BLNK: variants seen among roughly 807,000 people sequenced by gnomAD.
BLNK encodes the protein B-cell linker protein.
A neutral mutation model predicts 73.5 loss-of-function variants in BLNK; 29 were observed. The observed-to-expected ratio is 0.39, with a 90% confidence interval of 0.29 to 0.54. The LOEUF (loss-of-function observed/expected upper bound fraction) is 0.54, where lower values mean the gene tolerates loss of function less well. Ranked by LOEUF, BLNK falls within the 20% of genes least tolerant of loss-of-function variation. BLNK has a pLI of 0.61. For missense variants in BLNK, 460 were observed against 562.8 expected, an observed-to-expected ratio of 0.82 and a Z score of 1.85; for synonymous variants, 176 against 200.8, an observed-to-expected ratio of 0.88 and a Z score of 1.04.
chr10:96,216,300 G>T (rs1031784602), intron 7 of BLNK: 6 of 294,954 alleles, frequency 2.0e-5, no homozygotes, highest in African/African-American at 1.3e-4. Context: ...ACTGTTCTTG[G>T]TGCAATGTTT....
At chr10:96,196,637 C>T (rs973365919) in intron 16 of BLNK, among the ~76,000 whole-genome samples, 2 of 152,062 alleles carry the variant, frequency 1.3e-5, no homozygotes, top group Non-Finnish European at 2.9e-5. Flanking sequence ...TTATATTTGC[C>T]CCTGGACTAA....
chr10:96,219,354 A>G (rs2084142115), intron 6 of BLNK, among the ~76,000 whole-genome samples: 1 of 152,238 alleles, frequency 6.6e-6, no homozygotes, highest in African/African-American at 2.4e-5. Flanking sequence ...ATTCATTAGT[A>G]GCCAGAGTGA....
intron 3 of BLNK, among the ~76,000 whole-genome samples, chr10:96,236,177 G>C (rs1842683340): frequency 6.6e-6 from 1 of 152,180 alleles, no homozygotes; most frequent in African/African-American, 2.4e-5. Context: ...ATCACAGCAT[G>C]TCTGACATTC....
chr10:96,262,454 A>C (rs1235387828), intron 1 of BLNK, among the ~76,000 whole-genome samples: 1 of 152,178 alleles, frequency 6.6e-6, no homozygotes, highest in Non-Finnish European at 1.5e-5. Context: ...CATTTTTCAG[A>C]TGAAAAACCT....
At chr10:96,269,329 A>C (rs527896501) in intron 1 of BLNK, among the ~76,000 whole-genome samples, 55 of 152,264 alleles carry the variant, frequency 3.6e-4, no homozygotes, top group Non-Finnish European at 7.2e-4. Context: ...AAAATGATTT[A>C]AGTTCTAGCA....
intron 3 of BLNK, among the ~76,000 whole-genome samples, chr10:96,239,791 C>T (rs587623827): frequency 5.9e-5 from 9 of 152,086 alleles, no homozygotes; most frequent in South Asian, 2.1e-4. Context: ...CTTTTCCCCA[C>T]GCAGAAATAG....
intron 1 of BLNK, among the ~76,000 whole-genome samples, chr10:96,253,731 C>G (rs1166966435): frequency 2.0e-5 from 3 of 152,068 alleles, no homozygotes; most frequent in African/African-American, 7.2e-5. Flanking sequence ...AAGGATTAGG[C>G]CAGGCTGGGT....
chr10:96,259,670 C>CTTTTTTTTTT (rs57821919), intron 1 of BLNK, among the ~76,000 whole-genome samples: 3 of 44,868 alleles, frequency 6.7e-5, no homozygotes, highest in African/African-American at 1.9e-4. Flanking sequence ...CACACCCTAC[C>CTTTTTTTTTT]TTTTTTTTTT....
At chr10:96,270,195 G>C (rs1223856437) in intron 1 of BLNK, among the ~76,000 whole-genome samples, 3 of 152,186 alleles carry the variant, frequency 2.0e-5, no homozygotes, top group African/African-American at 7.2e-5. Flanking sequence ...ACTGATCCCA[G>C]ATCATTGATG....
chr10:96,215,281 A>C, intron 8 of BLNK, 40 bp downstream of exon 8: 1 of 1,570,838 alleles, frequency 6.4e-7, no homozygotes, highest in Non-Finnish European at 8.8e-7. Context: ...TCTTATTTGA[A>C]ATAGACGTAA....
intron 1 of BLNK, among the ~76,000 whole-genome samples, chr10:96,256,131 A>G (rs1329657141): frequency 6.6e-6 from 1 of 152,098 alleles, no homozygotes; most frequent in Non-Finnish European, 1.5e-5. Flanking sequence ...CAGGAGTTCA[A>G]GTACTGCAAG....
intron 16 of BLNK, 57 bp downstream of exon 16, chr10:96,196,851 G>T: frequency 1.3e-6 from 2 of 1,527,862 alleles, no homozygotes; most frequent in Non-Finnish European, 1.8e-6. Flanking sequence ...TACAGTATTT[G>T]ATGTCATTAT....
rs587681068 is a variant in BLNK at position 96,222,102 on chromosome 10, G to A, written c.525+1724C>T. Among the ~76,000 whole-genome samples the A allele has an allele frequency of 3.9e-5, 6 of 152,222 alleles. No individual in the cohort carries two copies. In the East Asian group the frequency reaches 9.6e-4, roughly 24 times the overall value. On this transcript the variant is annotated intron_variant, in intron 6 of 16. Transcript: ENST00000224337. ...CGACATATATTAAACCCCTCTGTGTGTGAGGCACTGTATTTAGTGCTGTAC... is the reference window on the plus strand; with the variant it reads ...CGACATATATTAAACCCCTCTGTGTATGAGGCACTGTATTTAGTGCTGTAC...
chr10:96,203,530 G>GT (rs1393220579), intron 13 of BLNK: 1 of 152,108 alleles, frequency 6.6e-6, no homozygotes, highest in Non-Finnish European at 1.5e-5. Flanking sequence ...GGTTTGGGCA[G>GT]TTACGTTCTG....
intron 10 of BLNK, 115 bp from the exon 11 acceptor site, chr10:96,207,168 A>G (rs2083836338): frequency 2.2e-6 from 2 of 916,224 alleles, no homozygotes; most frequent in East Asian, 2.5e-5. Flanking sequence ...ATGCATTGCT[A>G]TTCTTTCAAT....
chr10:96,249,699 G>A (rs908863767), intron 1 of BLNK, among the ~76,000 whole-genome samples: 6 of 152,212 alleles, frequency 3.9e-5, no homozygotes, highest in African/African-American at 1.4e-4. Context: ...GGGTTTGGGC[G>A]ATGGCAGGGG....
intron 1 of BLNK, among the ~76,000 whole-genome samples, chr10:96,266,191 G>A (rs1843989726): frequency 6.6e-6 from 1 of 152,198 alleles, no homozygotes; most frequent in Admixed American, 6.5e-5. Flanking sequence ...CACCTGTAGG[G>A]AGAAAACAAG....
chr10:96,234,225 A>T (rs2134055045), intron 3 of BLNK, among the ~76,000 whole-genome samples: 1 of 152,362 alleles, frequency 6.6e-6, no homozygotes, highest in East Asian at 1.9e-4. Flanking sequence ...ACATCTTGGC[A>T]CATGGAGACA....
intron 5 of BLNK, among the ~76,000 whole-genome samples, chr10:96,225,833 C>CG (rs1385023204): frequency 6.6e-6 from 1 of 151,908 alleles, no homozygotes; most frequent in African/African-American, 2.4e-5. Context: ...TTAATAGAGA[C>CG]GGGGTTCTGC....
Sources: gnomAD v4.1 joint callset for allele counts (sites outside exome capture counted in the v4.1 genomes callset) on GRCh38, gnomAD v4.1.1 for gene constraint, MANE v1.5 for transcripts, NCBI Gene and HGNC (gene_info 2026-07-23, HGNC 2026-07-21) for gene names.